Variants in ATRNL1 observed in about 807,000 individuals in gnomAD.
The protein encoded by ATRNL1 is attractin-like protein 1.
Under a neutral mutation model 182.7 loss-of-function variants are expected in ATRNL1, and 95 were observed. That is an observed-to-expected ratio of 0.52 (90% CI 0.44 to 0.62). ATRNL1 has a LOEUF of 0.62. Ranked by LOEUF, ATRNL1 falls within the 20% of genes least tolerant of loss-of-function variation. ATRNL1 has a pLI of 0.00. For synonymous variants in ATRNL1, 576 were observed against 568.3 expected, an observed-to-expected ratio of 1.01 and a Z score of -0.19; for missense variants, 1,471 against 1,679.5, an observed-to-expected ratio of 0.88 and a Z score of 2.17.
rs115809110 is a variant in ATRNL1 at position 115,565,437 on chromosome 10, G to A, written c.3795+15901G>A. ...GTGTGTGTAACTGCTTTTTATGTTG[G>A]TGTAGAAAGACTATGTAATTGCATG... On this transcript the variant is annotated intron_variant, in intron 26 of 28. Coordinates refer to ENST00000355044, the MANE Select transcript of ATRNL1 (RefSeq NM_207303.4). 1.5e-3 allele frequency among the ~76,000 whole-genome samples: 221 copies of A among 151,992 alleles called. 1 individual carries two copies. The highest frequency in any genetic ancestry group is 4.7e-3 in the African/African-American group (197 of 41,518).
intron 27 of ATRNL1, among the ~76,000 whole-genome samples, chr10:115,822,493 C>G (rs1950326637): frequency 6.6e-6 from 1 of 152,074 alleles, no homozygotes; most frequent in Non-Finnish European, 1.5e-5. Context: ...AATCCAGGAG[C>G]TGGTTTTTTG....
intron 22 of ATRNL1, among the ~76,000 whole-genome samples, chr10:115,463,908 G>A (rs1207691483): frequency 6.6e-6 from 1 of 151,952 alleles, no homozygotes; most frequent in East Asian, 1.9e-4. Flanking sequence ...GAAATTTGAT[G>A]TAAGAGAGAT....
At chr10:115,708,134 T>G (rs1265218081) in intron 26 of ATRNL1, among the ~76,000 whole-genome samples, 2 of 151,522 alleles carry the variant, frequency 1.3e-5, no homozygotes, top group Non-Finnish European at 3.0e-5. Flanking sequence ...ACATAAACAT[T>G]TGAGATGATG....
At chr10:115,848,695 T>G (rs2134358196) in intron 28 of ATRNL1, among the ~76,000 whole-genome samples, 1 of 152,322 alleles carries the variant, frequency 6.6e-6, no homozygotes, top group Middle Eastern at 3.4e-3. Flanking sequence ...TGAATATAAA[T>G]CATACTTAAA....
intron 28 of ATRNL1, among the ~76,000 whole-genome samples, chr10:115,856,674 G>T (rs989681350): frequency 6.6e-6 from 1 of 151,952 alleles, no homozygotes; most frequent in Non-Finnish European, 1.5e-5. Context: ...CAAAGAGTTT[G>T]CAGCCTAGAT....
intron 27 of ATRNL1, among the ~76,000 whole-genome samples, chr10:115,836,177 T>C (rs1441038769): frequency 6.6e-6 from 1 of 152,204 alleles, no homozygotes; most frequent in Non-Finnish European, 1.5e-5. Flanking sequence ...TTGACCTTTG[T>C]GTGGGCTGCA....
At chr10:115,189,976 A>G (rs1242999382) in intron 8 of ATRNL1, among the ~76,000 whole-genome samples, 2 of 152,148 alleles carry the variant, frequency 1.3e-5, no homozygotes, top group East Asian at 1.9e-4. Flanking sequence ...GTTTAGATAC[A>G]CAAATACCGT....
Position 115,804,344 on chromosome 10 carries a change from C to T in ATRNL1, c.3904-43533C>T, listed in dbSNP as rs184555891. On this transcript the variant is annotated intron_variant, in intron 27 of 28. Coordinates refer to ENST00000355044, the MANE Select transcript of ATRNL1 (RefSeq NM_207303.4). ...CCCTTTACAGTGTATATGTTGAAATCCTAACCCTCAATGTGATGGCATTAG... is the reference window on the plus strand; with the variant it reads ...CCCTTTACAGTGTATATGTTGAAATTCTAACCCTCAATGTGATGGCATTAG... Among the ~76,000 whole-genome samples, 6 of 152,244 alleles carry T rather than the reference C, an allele frequency of 3.9e-5. No individual in the cohort carries two copies. The East Asian group carries it at 1.2e-3, about 29-fold the overall frequency.
chr10:115,700,773 T>A (rs1946709469), intron 26 of ATRNL1, among the ~76,000 whole-genome samples: 1 of 152,102 alleles, frequency 6.6e-6, no homozygotes, highest in South Asian at 2.1e-4. Flanking sequence ...TAAATATATA[T>A]GCACTCAACG....
At chr10:115,375,054 G>C (rs1359558881) in intron 19 of ATRNL1, among the ~76,000 whole-genome samples, 1 of 151,272 alleles carries the variant, frequency 6.6e-6, no homozygotes, top group East Asian at 1.9e-4. Flanking sequence ...TGGATGATCT[G>C]TTCAATGTTG....
chr10:115,234,270 A>G (rs1850080979), intron 9 of ATRNL1, among the ~76,000 whole-genome samples: 1 of 152,054 alleles, frequency 6.6e-6, no homozygotes, highest in Non-Finnish European at 1.5e-5. Context: ...AAAGATGTTA[A>G]TATATTCTCT....
intron 8 of ATRNL1, among the ~76,000 whole-genome samples, chr10:115,203,662 C>CTA (rs1408723668): frequency 1.3e-5 from 2 of 149,888 alleles, no homozygotes; most frequent in African/African-American, 4.9e-5. Flanking sequence ...TCACTGCAAC[C>CTA]TATGCCTCCT....
At chr10:115,238,681 T>G (rs1850285449) in intron 9 of ATRNL1, among the ~76,000 whole-genome samples, 1 of 152,162 alleles carries the variant, frequency 6.6e-6, no homozygotes, top group African/African-American at 2.4e-5. Flanking sequence ...GACAGTCATA[T>G]CATTTGTGAA....
intron 27 of ATRNL1, among the ~76,000 whole-genome samples, chr10:115,761,137 A>G (rs782774850): frequency 2.6e-5 from 4 of 152,238 alleles, no homozygotes; most frequent in Non-Finnish European, 4.4e-5. Flanking sequence ...CATGTAATCA[A>G]AAGAAAGCTG....
intron 27 of ATRNL1, among the ~76,000 whole-genome samples, chr10:115,827,821 G>A (rs1324231772): frequency 2.0e-5 from 3 of 152,104 alleles, no homozygotes; most frequent in Non-Finnish European, 4.4e-5. Flanking sequence ...AAATAGACTA[G>A]CCTTAAGCAG....
chr10:115,334,459 A>G, intron 19 of ATRNL1, 40 bp downstream of exon 19: 28 of 1,455,712 alleles, frequency 1.9e-5, no homozygotes, highest in Non-Finnish European at 2.4e-5. Context: ...ATTTTTACTA[A>G]GGAAAAGATA....
At chr10:115,174,085 C>T (rs1847400658) in intron 8 of ATRNL1, among the ~76,000 whole-genome samples, 1 of 151,670 alleles carries the variant, frequency 6.6e-6, no homozygotes, top group South Asian at 2.1e-4. Context: ...CCATTAGTTT[C>T]CTCTATGCTA....
intron 27 of ATRNL1, among the ~76,000 whole-genome samples, chr10:115,747,068 A>G (rs1948313299): frequency 6.6e-6 from 1 of 152,118 alleles, no homozygotes; most frequent in African/African-American, 2.4e-5. Context: ...GGCAGATGAG[A>G]TTGTGAAAAC....
chr10:115,166,908 A>T (rs1847071739), intron 7 of ATRNL1, among the ~76,000 whole-genome samples: 1 of 151,678 alleles, frequency 6.6e-6, no homozygotes, highest in Admixed American at 6.6e-5. Context: ...GTTTAATTTA[A>T]TTTTAATTTT....
Sources: allele counts gnomAD v4.1 joint callset (sites outside exome capture counted in the v4.1 genomes callset), GRCh38; gene constraint gnomAD v4.1.1; transcripts MANE v1.5; gene names NCBI Gene and HGNC (gene_info 2026-07-23, HGNC 2026-07-21).